ZC3H3: variants seen among roughly 807,000 people sequenced by gnomAD.
The protein encoded by ZC3H3 is zinc finger CCCH-type containing 3.
ZC3H3 carries 36 observed loss-of-function variants against 77.3 expected under a neutral mutation model. That is an observed-to-expected ratio of 0.47 (90% confidence interval 0.36 to 0.61). The LOEUF (loss-of-function observed/expected upper bound fraction) is 0.61. Ranked by LOEUF, ZC3H3 falls within the 20% of genes least tolerant of loss-of-function variation. The pLI is 0.00. For missense variants in ZC3H3, 1,331 were observed against 1,312.2 expected, an observed-to-expected ratio of 1.01 and a Z score of -0.22; for synonymous variants, 626 against 555.2, an observed-to-expected ratio of 1.13 and a Z score of -1.79.
Position 143,440,821 on chromosome 8 carries a change from T to C in ZC3H3, c.2492+115A>G, listed in dbSNP as rs1819720393. The C allele has an allele frequency of 2.6e-6, 3 of 1,169,998 alleles. No homozygotes were observed. The South Asian group carries it at 8.1e-5, about 32-fold the overall frequency. 72.5% of individuals were successfully genotyped at this position (1,169,998 alleles called of 1,614,324 possible). On this transcript the variant is annotated intron_variant, in intron 10 of 11. Transcript: ENST00000262577. ...GCCTTGGATAGGGATTTCTTTCTGG[T>C]CTGAGGCCCAAAGAGCTGGAGTTGG...
intron 3 of ZC3H3, among the ~76,000 whole-genome samples, chr8:143,518,754 G>A (rs964274766): frequency 6.6e-6 from 1 of 152,254 alleles, no homozygotes; most frequent in Non-Finnish European, 1.5e-5. Context: ...ACACTGGCCC[G>A]ACCGCTTGTG....
intron 4 of ZC3H3, among the ~76,000 whole-genome samples, chr8:143,495,037 G>A (rs1266177533): frequency 6.6e-6 from 1 of 152,188 alleles, no homozygotes; most frequent in East Asian, 1.9e-4. Flanking sequence ...AAGCAGTTTG[G>A]TGATGTCACA....
chr8:143,460,273 T>TAAAC lies in ZC3H3; in HGVS notation c.2307+5443_2307+5444insGTTT, dbSNP rs1180976480. Among the ~76,000 whole-genome samples, 3 of 150,634 alleles carry TAAAC rather than the reference T, an allele frequency of 2.0e-5. No individual in the cohort carries two copies. Among genetic ancestry groups the TAAAC allele is most frequent in the African/African-American group, 7.3e-5 (3 of 41,082 alleles). ...AAAAATAAATAAATAAATAAATAAA[T>TAAAC]AAATAAATAAATAAATAAAAGGCAT... On this transcript the variant is annotated intron_variant, in intron 9 of 11. Coordinates refer to ENST00000262577, the MANE Select transcript of ZC3H3 (RefSeq NM_015117.3). The surrounding 1 kb of genome is among the most constrained non-coding windows in gnomAD (Gnocchi z 4.0).
intron 5 of ZC3H3, among the ~76,000 whole-genome samples, chr8:143,473,314 C>T (rs1820630741): frequency 6.6e-6 from 1 of 152,166 alleles, no homozygotes; most frequent in Admixed American, 6.5e-5. Context: ...TGCTTCTGTC[C>T]CTTCTGGGCC....
intron 4 of ZC3H3, among the ~76,000 whole-genome samples, chr8:143,497,043 G>A (rs926592239): frequency 6.6e-6 from 1 of 152,188 alleles, no homozygotes; most frequent in Non-Finnish European, 1.5e-5. Context: ...CGTTTATAAA[G>A]GGAGAGAAAG....
Position 143,482,245 on chromosome 8 carries a change from A to G in ZC3H3, c.1716-6660T>C, listed in dbSNP as rs546178636. Among the ~76,000 whole-genome samples the G allele has an allele frequency of 5.3e-5, 8 of 152,344 alleles. No homozygotes were observed. The South Asian group carries it at 1.7e-3, about 32-fold the overall frequency. ...CTTTGCACGTGCTGTCCCTCTGTCC[A>G]GATCCCAGGGCAGGCCTGAGGCCAA... On this transcript the variant is annotated intron_variant, in intron 4 of 11. Transcript: ENST00000262577.
chr8:143,540,397 T>G (rs934855176), intron 1 of ZC3H3, among the ~76,000 whole-genome samples: 22 of 152,158 alleles, frequency 1.4e-4, no homozygotes, highest in Non-Finnish European at 1.5e-5. Flanking sequence ...CATCTCACTT[T>G]TTAAAATTTT....
chr8:143,488,991 G>A (rs1455087748), intron 4 of ZC3H3, among the ~76,000 whole-genome samples: 1 of 152,244 alleles, frequency 6.6e-6, no homozygotes, highest in Admixed American at 6.5e-5. Flanking sequence ...GACGAGGCCC[G>A]GAAGGGCCAG....
At chr8:143,467,873 T>C (rs1820454879) in intron 8 of ZC3H3, among the ~76,000 whole-genome samples, 1 of 150,924 alleles carries the variant, frequency 6.6e-6, no homozygotes, top group Non-Finnish European at 1.5e-5. Context: ...GCCTCAGCCC[T>C]GGGTCCACAG....
chr8:143,476,195 C>T (rs757851095), intron 4 of ZC3H3, among the ~76,000 whole-genome samples: 1 of 152,212 alleles, frequency 6.6e-6, no homozygotes, highest in Non-Finnish European at 1.5e-5. Flanking sequence ...TGCCTCTTCT[C>T]CTCCTCCACC....
In ZC3H3 at chr8:143,460,881, A is replaced by G. The variant is rs1463761748; in HGVS notation, c.2307+4836T>C. On this transcript the variant is annotated intron_variant, in intron 9 of 11. Transcript: ENST00000262577. This position sits in a 1 kb window ranked among gnomAD's most constrained non-coding sequence, Gnocchi z 4.0. ...CGCCAGACACCAAAGGACAGAATGT[A>G]CGATTCCACTTAGAGGACATAGCTA... Among the ~76,000 whole-genome samples the G allele has an allele frequency of 6.6e-6, 1 of 152,240 alleles. No homozygotes were observed. The highest frequency in any genetic ancestry group is 1.9e-4 in the East Asian group (1 of 5,204).
chr8:143,460,249 AAAATAAATAAAT>A lies in ZC3H3; in HGVS notation c.2307+5456_2307+5467del, dbSNP rs539928786. On this transcript the variant is annotated intron_variant, in intron 9 of 11. Coordinates refer to ENST00000262577, the MANE Select transcript of ZC3H3 (RefSeq NM_015117.3). This position sits in a 1 kb window ranked among gnomAD's most constrained non-coding sequence, Gnocchi z 4.0. ...GGCGACAGAGTGAGACTATGTCTCA[AAAATAAATAAAT>A]AAATAAATAAATAAATAAATAAATA... Among the ~76,000 whole-genome samples, 748 of 144,224 alleles carry A rather than the reference AAAATAAATAAAT, an allele frequency of 5.2e-3. 1 individual carries two copies. The highest frequency in any genetic ancestry group is 7.2e-3 in the Middle Eastern group (2 of 278). The allele number at this position is 144,224 out of a possible 152,430, so 94.6% of individuals were successfully genotyped here.
intron 3 of ZC3H3, among the ~76,000 whole-genome samples, chr8:143,512,211 G>A (rs927264376): frequency 1.3e-5 from 2 of 152,230 alleles, no homozygotes; most frequent in African/African-American, 2.4e-5. Context: ...CCAGGGTGAC[G>A]GATGGCTGTG....
intron 3 of ZC3H3, among the ~76,000 whole-genome samples, chr8:143,525,598 C>T (rs1338926494): frequency 6.6e-6 from 1 of 152,224 alleles, no homozygotes; most frequent in Non-Finnish European, 1.5e-5. Context: ...CCCATGAGGA[C>T]ACGGACCAGA....
At chr8:143,481,073 C>A (rs1312874536) in intron 4 of ZC3H3, among the ~76,000 whole-genome samples, 1 of 152,242 alleles carries the variant, frequency 6.6e-6, no homozygotes, top group African/African-American at 2.4e-5. Context: ...CCCAGGACAC[C>A]CTCCCTGAGG....
In ZC3H3 at chr8:143,494,013, G is replaced by A. The variant is rs997997647; in HGVS notation, c.1715+13733C>T. Among the ~76,000 whole-genome samples the A allele has an allele frequency of 1.3e-5, 2 of 152,172 alleles. No homozygotes were observed. The highest frequency in any genetic ancestry group is 6.5e-5 in the Admixed American group (1 of 15,276). On this transcript the variant is annotated intron_variant, in intron 4 of 11. Transcript: ENST00000262577. This position sits in a 1 kb window ranked among gnomAD's most constrained non-coding sequence, Gnocchi z 5.3. ...TTACAGCACTTGGGGAGCCGTAACC[G>A]CCTGTTCCCATAAAATAAAACTCTA...
intron 9 of ZC3H3, among the ~76,000 whole-genome samples, chr8:143,457,597 TAGC>T (rs1820154800): frequency 6.6e-6 from 1 of 152,032 alleles, no homozygotes; most frequent in African/African-American, 2.4e-5. Flanking sequence ...CCAGGTGTGG[TAGC>T]AGGGACCTGT....
chr8:143,471,646 G>T (rs1586897431), intron 5 of ZC3H3, among the ~76,000 whole-genome samples: 1 of 152,212 alleles, frequency 6.6e-6, no homozygotes, highest in African/African-American at 2.4e-5. Flanking sequence ...GTGGCAGGCG[G>T]GCCCAGGAGG....
Position 143,533,372 on chromosome 8 carries a change from A to G in ZC3H3, c.1561+2885T>C, listed in dbSNP as rs919155290. 3.3e-5 allele frequency among the ~76,000 whole-genome samples: 5 copies of G among 152,018 alleles called. No homozygotes were observed. The highest frequency in any genetic ancestry group is 7.4e-5 in the Non-Finnish European group (5 of 67,994). On this transcript the variant is annotated intron_variant, in intron 3 of 11. Coordinates refer to ENST00000262577, the MANE Select transcript of ZC3H3 (RefSeq NM_015117.3). The surrounding 1 kb of genome is among the most constrained non-coding windows in gnomAD (Gnocchi z 4.0). ...CTCAGAGAAGCCCTCCCACTCGCCA[A>G]CCACCTCTCTGCAGCTGGCCCTGTG...
Sources: gnomAD v4.1 joint callset for allele counts (sites outside exome capture counted in the v4.1 genomes callset) on GRCh38, gnomAD v4.1.1 for gene constraint, Gnocchi (gnomAD v3.1) non-coding constraint, MANE v1.5 for transcripts, NCBI Gene and HGNC (gene_info 2026-07-23, HGNC 2026-07-21) for gene names.